DRC3: variants seen among roughly 807,000 people sequenced by gnomAD.
DRC3 encodes the protein leucine rich repeat containing 48.
Under a neutral mutation model 57.6 loss-of-function variants are expected in DRC3, and 45 were observed. The ratio of observed to expected loss-of-function variants is 0.78; its 90% CI spans 0.62 to 1.00. DRC3 has a LOEUF of 1.00. Ranked by LOEUF, DRC3 falls within the 50% of genes least tolerant of loss-of-function variation. The pLI is 0.00. For synonymous variants in DRC3, 257 were observed against 272.3 expected, an observed-to-expected ratio of 0.94 and a Z score of 0.55; for missense variants, 655 against 675.2, an observed-to-expected ratio of 0.97 and a Z score of 0.33.
At chr17:17,987,278 A>G (rs1469104420) in intron 4 of DRC3, among the ~76,000 whole-genome samples, 3 of 151,882 alleles carry the variant, frequency 2.0e-5, no homozygotes, top group African/African-American at 4.8e-5. Flanking sequence ...GAATTAGTCA[A>G]AAGTCTCGGT....
At chr17:17,999,864 C>T (rs949965813) in intron 9 of DRC3, among the ~76,000 whole-genome samples, 10 of 152,228 alleles carry the variant, frequency 6.6e-5, no homozygotes, top group Non-Finnish European at 7.3e-5. Context: ...CATGGCACAG[C>T]CTGAAGAATG....
Position 18,016,158 on chromosome 17 carries a change from C to A in DRC3, c.1421C>A (p.Thr474Asn). ...KIDNREDELV[T>N]RINSWCTRLI... Reference sequence around the variant, plus strand: ...GACAATCGAGAAGATGAGCTGGTGACCAGAATCAACTCTTGGTGTACACGT... The same window carrying A: ...GACAATCGAGAAGATGAGCTGGTGAACAGAATCAACTCTTGGTGTACACGT... The change falls in exon 13 of 14, where the codon ACC becomes AAC. Residue 474 changes from threonine to asparagine, a missense_variant. Coordinates refer to ENST00000399187, the MANE Select transcript of DRC3 (RefSeq NM_031294.4). The A allele has an allele frequency of 6.2e-7, 1 of 1,613,970 alleles. No homozygotes were observed. The highest frequency in any genetic ancestry group is 8.5e-7 in the Non-Finnish European group (1 of 1,179,880).
At chr17:18,005,730 A>G (rs1254148143) in intron 10 of DRC3, 1 of 172,452 alleles carries the variant, frequency 5.8e-6, no homozygotes, top group Non-Finnish European at 1.3e-5. Context: ...GATAAGGCCC[A>G]AGGAGGTGAA....
At chr17:17,975,204 T>TAGCAC (rs1001963664) in intron 2 of DRC3, among the ~76,000 whole-genome samples, 9 of 143,134 alleles carry the variant, frequency 6.3e-5, no homozygotes, top group Non-Finnish European at 1.5e-5. Context: ...TCCCAAAGTA[T>TAGCAC]AGCACCTTTT....
intron 6 of DRC3, chr17:17,993,928 GCCTGC>G: frequency 4.1e-6 from 1 of 245,402 alleles, no homozygotes; most frequent in Non-Finnish European, 8.1e-6. Flanking sequence ...GGGCCAGAAG[GCCTGC>G]TGAGGGCTGT....
At chr17:18,013,932 AT>A (rs35745875) in intron 12 of DRC3, among the ~76,000 whole-genome samples, 65,473 of 135,720 alleles carry the variant, frequency 0.48, 15,287 homozygotes, top group East Asian at 0.87. Context: ...TTTAATGCCA[AT>A]TTTTTTTTTT....
chr17:18,015,854 CACA>C, intron 12 of DRC3: 1 of 540,060 alleles, frequency 1.9e-6, no homozygotes. Context: ...GCCCTTTCCC[CACA>C]ACACCTGCCC....
chr17:17,994,133 G>T (rs1568493742), intron 6 of DRC3, 166 bp from the exon 7 acceptor site: 2 of 835,602 alleles, frequency 2.4e-6, no homozygotes, highest in East Asian at 2.9e-5. Flanking sequence ...CAGGAGATGG[G>T]CATTCTCATC....
At chr17:17,986,423 G>T (rs993316073) in intron 4 of DRC3, among the ~76,000 whole-genome samples, 2 of 151,958 alleles carry the variant, frequency 1.3e-5, no homozygotes, top group African/African-American at 4.8e-5. Flanking sequence ...GATATGCGGA[G>T]GAGGCTATAT....
At chr17:18,014,230 G>A (rs1303389964) in intron 12 of DRC3, among the ~76,000 whole-genome samples, 1 of 152,150 alleles carries the variant, frequency 6.6e-6, no homozygotes, top group Non-Finnish European at 1.5e-5. Flanking sequence ...CCCGGCCAGT[G>A]CCAACGTGTT....
chr17:18,016,269 T>A, intron 13 of DRC3, 74 bp downstream of exon 13: 1 of 1,472,814 alleles, frequency 6.8e-7, no homozygotes, highest in Non-Finnish European at 9.4e-7. Context: ...CCCTAGGTAG[T>A]GGATAGAATT....
In DRC3 at chr17:17,992,851, C is replaced by A. The variant is rs1261410358; in HGVS notation, c.531C>A (p.Phe177Leu). 1 of 1,613,970 alleles carries A rather than the reference C, an allele frequency of 6.2e-7. No homozygotes were observed. The highest frequency in any genetic ancestry group is 1.7e-5 in the Admixed American group (1 of 60,018). ...PISEAEDYKM[F>L]ICAYLPDLMY... ...CTGAGGCAGAGGATTACAAGATGTT[C>A]ATCTGTGCCTACCTTCCTGACCTCA... The change falls in exon 6 of 14, where the codon TTC becomes TTA. Residue 177 changes from phenylalanine (F) to leucine (L), a missense_variant. Coordinates refer to ENST00000399187, the MANE Select transcript of DRC3 (RefSeq NM_031294.4).
In DRC3 at chr17:18,007,148, G is replaced by A. The variant is rs1284083677; in HGVS notation, c.1326+1G>A. On this transcript the variant is annotated splice_donor_variant, in intron 12 of 13. Coordinates refer to ENST00000399187, the MANE Select transcript of DRC3 (RefSeq NM_031294.4). LOFTEE classifies it high-confidence loss of function. ...GGACCTGCCTAACGACCTGCGCGCG[G>A]TAGGCGGGGCGGGCTGCTCGGAGCC... The A allele has an allele frequency of 9.0e-7, 1 of 1,108,342 alleles. No individual in the cohort carries two copies. The allele number at this position is 1,108,342 out of a possible 1,614,324, so 68.7% of individuals were successfully genotyped here.
In DRC3 at chr17:17,988,063, T is replaced by C; in HGVS notation, c.409T>C (p.Ser137Pro). 3 of 1,613,916 alleles carry C rather than the reference T, an allele frequency of 1.9e-6. No individual in the cohort carries two copies. Among genetic ancestry groups the C allele is most frequent in the Non-Finnish European group, 2.5e-6 (3 of 1,179,888 alleles). The stretch of plus-strand genomic sequence containing the variant: ...CGCCCTCGTCAAGCTGCAGGTGTTG[T>C]CGCTGGGCAACAACCGGATTGACAA... ...LDALVKLQVLSLGNNRIDNMM... is the reference protein window; with the variant it reads ...LDALVKLQVLPLGNNRIDNMM... Residue 137 changes from serine to proline, a missense_variant, in exon 5 of 14, where the codon TCG becomes CCG. Transcript: ENST00000399187.
chr17:18,012,331 C>T (rs561077518), intron 12 of DRC3, among the ~76,000 whole-genome samples: 1 of 152,098 alleles, frequency 6.6e-6, no homozygotes, highest in East Asian at 1.9e-4. Context: ...AACTAGATTC[C>T]CATCTCTCAC....
intron 8 of DRC3, among the ~76,000 whole-genome samples, chr17:17,996,584 T>A (rs1331376293): frequency 6.6e-6 from 1 of 151,984 alleles, no homozygotes; most frequent in African/African-American, 2.4e-5. Flanking sequence ...GAGTTACAAT[T>A]CAAGATGAGT....
intron 3 of DRC3, 111 bp downstream of exon 3, chr17:17,977,869 A>G (rs2042462308): frequency 8.5e-7 from 1 of 1,170,286 alleles, no homozygotes; most frequent in East Asian, 2.5e-5. Flanking sequence ...AGGTTCCCAC[A>G]TCAGCATTAG....
At position 17,977,339 on chromosome 17, in the gene DRC3, C is replaced by A. The variant is rs900789954; in HGVS notation, c.-17-243C>A. On this transcript the variant is annotated intron_variant, in intron 2 of 13. Coordinates refer to ENST00000399187, the MANE Select transcript of DRC3 (RefSeq NM_031294.4). ...AGTCCAGTGGGTCCAGCGAGGGTCC[C>A]AGCTGTGGCTGTAGGGTCAAGGGAT... is the stretch of plus-strand genomic sequence containing the variant. 3 of 492,124 alleles carry A rather than the reference C, an allele frequency of 6.1e-6. No homozygotes were observed. In the Admixed American group the frequency reaches 1.0e-4, roughly 17 times the overall value. 30.5% of individuals were successfully genotyped at this position (492,124 alleles called of 1,614,324 possible). A position where few individuals can be genotyped will look rare whatever the true frequency, so the allele number is the denominator to read the frequency against.
chr17:18,006,174 C>T lies in DRC3; in HGVS notation c.1132-9C>T. On this transcript the variant is annotated splice_polypyrimidine_tract_variant and intron_variant, in intron 10 of 13. Coordinates refer to ENST00000399187, the MANE Select transcript of DRC3 (RefSeq NM_031294.4). ...TATGCATGTTAACTGTGTTCTTTAA[C>T]ATTTCCAGGAGACTATAAACATGTT... 1 of 1,604,016 alleles carries T rather than the reference C, an allele frequency of 6.2e-7. No individual in the cohort carries two copies. The highest frequency in any genetic ancestry group is 8.5e-7 in the Non-Finnish European group (1 of 1,171,812).
Sources: gnomAD v4.1 joint callset for allele counts (sites outside exome capture counted in the v4.1 genomes callset) on GRCh38, gnomAD v4.1.1 for gene constraint, MANE v1.5 for transcripts, NCBI Gene and HGNC (gene_info 2026-07-23, HGNC 2026-07-21) for gene names.